The following CUBN variants were observed in gnomAD, a reference collection of about 807,000 sequenced individuals.
CUBN encodes 460 kDa receptor.
Under a neutral mutation model 405.3 loss-of-function variants are expected in CUBN, and 282 were observed. The ratio of observed to expected loss-of-function variants is 0.70; its 90% CI spans 0.63 to 0.77. The LOEUF (loss-of-function observed/expected upper bound fraction) is 0.77, where lower values mean the gene tolerates loss of function less well. Ranked by LOEUF, CUBN falls within the 30% of genes least tolerant of loss-of-function variation. The pLI, the probability that CUBN is intolerant of heterozygous loss-of-function variation, is 0.00. For synonymous variants in CUBN, 1,684 were observed against 1,617.0 expected (o/e 1.04, Z -0.99); for missense variants, 4,514 against 4,475.2 (o/e 1.01, Z -0.25).
chr10:17,124,898 C>G (rs1837137508), intron 4 of CUBN, among the ~76,000 whole-genome samples: 1 of 152,016 alleles, frequency 6.6e-6, no homozygotes, highest in Non-Finnish European at 1.5e-5. Flanking sequence ...GTGGTATGAT[C>G]TCAGCTCACT....
intron 58 of CUBN, among the ~76,000 whole-genome samples, chr10:16,872,522 ACC>A (rs1240015101): frequency 6.6e-6 from 1 of 151,836 alleles, no homozygotes; most frequent in Non-Finnish European, 1.5e-5. Context: ...ATGGGGGAGG[ACC>A]CCTCACAAAT....
intron 28 of CUBN, among the ~76,000 whole-genome samples, chr10:17,012,612 C>G (rs1254188575): frequency 1.3e-5 from 2 of 152,232 alleles, no homozygotes; most frequent in African/African-American, 4.8e-5. Flanking sequence ...TTTTAGCAAA[C>G]TCTACGTTAG....
At chr10:16,972,629 G>A (rs879864737) in intron 31 of CUBN, among the ~76,000 whole-genome samples, 1 of 151,736 alleles carries the variant, frequency 6.6e-6, no homozygotes, top group East Asian at 1.9e-4. Flanking sequence ...TGCAGAGATG[G>A]GGTCCAGGCT....
rs368888145 is a variant in CUBN at position 16,892,639 on chromosome 10, G to A, written c.8599-2112C>T. 3.5e-4 allele frequency among the ~76,000 whole-genome samples: 53 copies of A among 151,982 alleles called. 1 individual carries two copies. Among genetic ancestry groups the A allele is most frequent in the Non-Finnish European group, 1.0e-4 (7 of 67,990 alleles). Reference sequence around the variant, plus strand: ...CCCAAGTAGCTGGGACTACAGGTGCGTGCAACCATGCCTGGCTAGTTTTTT... The same window carrying A: ...CCCAAGTAGCTGGGACTACAGGTGCATGCAACCATGCCTGGCTAGTTTTTT... On this transcript the variant is annotated intron_variant, in intron 54 of 66. Transcript: ENST00000377833.
At chr10:16,905,179 C>G (rs564094333) in intron 50 of CUBN, among the ~76,000 whole-genome samples, 1 of 152,138 alleles carries the variant, frequency 6.6e-6, no homozygotes, top group Non-Finnish European at 1.5e-5. Flanking sequence ...TGGATGATTA[C>G]GTACTATTTA....
chr10:16,841,305 G>A lies in CUBN; in HGVS notation c.9664-258C>T, dbSNP rs558147937. 6.6e-5 allele frequency among the ~76,000 whole-genome samples: 10 copies of A among 152,122 alleles called. No individual in the cohort carries two copies. The South Asian group carries it at 8.3e-4, about 13-fold the overall frequency. The stretch of plus-strand genomic sequence containing the variant: ...TTAAAAGAAGGTGTTATGAGAGTCC[G>A]CTCACCCACTGCTACTTTAACCTCT... On this transcript the variant is annotated intron_variant, in intron 60 of 66. Transcript: ENST00000377833.
chr10:16,935,617 C>T (rs551068474), intron 39 of CUBN, among the ~76,000 whole-genome samples: 9 of 152,084 alleles, frequency 5.9e-5, no homozygotes, highest in East Asian at 1.9e-4. Context: ...CAGTGGCTCA[C>T]GCCTGTAATT....
chr10:17,010,368 C>T (rs1834147859), intron 28 of CUBN, among the ~76,000 whole-genome samples: 1 of 152,136 alleles, frequency 6.6e-6, no homozygotes, highest in South Asian at 2.1e-4. Context: ...GGGCCAGGTG[C>T]AGTGGCTCAC....
chr10:16,840,493 T>C lies in CUBN; in HGVS notation c.9869A>G (p.Asn3290Ser). ...GTCTGATGAATTGGGTGATGAAATA[T>C]TTTGTGGGGTCCAAGTTGCATTGTA... ...GTYNATWTPQ[N>S]ISSPNSSDPD... is the part of the protein sequence containing the mutation. The change falls in exon 62 of 67, where the codon AAT (asparagine) becomes AGT (serine). Residue 3290 changes from asparagine to serine, a missense_variant. Physicochemically the swap from Asn to Ser is conservative, Grantham distance 46 (BLOSUM62 1). Transcript: ENST00000377833. The C allele has an allele frequency of 6.2e-7, 1 of 1,612,066 alleles. No individual in the cohort carries two copies. The highest frequency in any genetic ancestry group is 8.5e-7 in the Non-Finnish European group (1 of 1,179,054).
At position 16,925,850 on chromosome 10, in the gene CUBN, G is replaced by A. The variant is rs1290354617; in HGVS notation, c.6272-76C>T. On this transcript the variant is annotated intron_variant, in intron 41 of 66. Transcript: ENST00000377833. Reference sequence around the variant, plus strand: ...ATTTTTATGCTTTCTTAGTTTTCTTGGGGGGTTTTCAAAGTGGAGGCAATA... The same window carrying A: ...ATTTTTATGCTTTCTTAGTTTTCTTAGGGGGTTTTCAAAGTGGAGGCAATA... 7 of 1,370,672 alleles carry A rather than the reference G, an allele frequency of 5.1e-6. No homozygotes were observed. In the African/African-American group the frequency reaches 8.6e-5, roughly 17 times the overall value. The allele number at this position is 1,370,672 out of a possible 1,614,324, so 84.9% of individuals were successfully genotyped here.
intron 22 of CUBN, among the ~76,000 whole-genome samples, chr10:17,059,885 G>T (rs1219204083): frequency 6.6e-6 from 1 of 152,160 alleles, no homozygotes; most frequent in African/African-American, 2.4e-5. Context: ...GCAAAGTCAT[G>T]GTCCTTTACA....
Position 16,913,810 on chromosome 10 carries a change from CT to C in CUBN, c.7533del (p.Ile2511MetfsTer13). 1.2e-6 allele frequency: 2 copies of C among 1,613,280 alleles called. No individual in the cohort carries two copies. Among genetic ancestry groups the C allele is most frequent in the Non-Finnish European group, 1.7e-6 (2 of 1,179,984 alleles). On this transcript the variant is annotated frameshift_variant and splice_region_variant, in exon 48 of 67. Coordinates refer to ENST00000377833, the MANE Select transcript of CUBN (RefSeq NM_001081.4). LOFTEE classifies it high-confidence loss of function. ...THPSCNNEHVIVFNGIRSNSP... is the reference protein window; with the variant it reads ...THPSCNNEHVXVFNGIRSNSP... ...CATCTCAGGCGGCAGGGAACACTTACTATCACATGCTCATTGTTGCAGGACG... is the reference window on the plus strand; with the variant it reads ...CATCTCAGGCGGCAGGGAACACTTACATCACATGCTCATTGTTGCAGGACG...
At chr10:17,011,161 C>A (rs1452190120) in intron 28 of CUBN, among the ~76,000 whole-genome samples, 1 of 152,152 alleles carries the variant, frequency 6.6e-6, no homozygotes, top group Non-Finnish European at 1.5e-5. Flanking sequence ...CTACATGTTC[C>A]AGGGCTAGAT....
intron 54 of CUBN, 122 bp downstream of exon 54, chr10:16,898,874 T>G (rs772121840): frequency 1.3e-6 from 1 of 759,224 alleles, no homozygotes; most frequent in Non-Finnish European, 2.4e-6. Context: ...TTTCTCACTT[T>G]TCATCCAAGG....
intron 2 of CUBN, among the ~76,000 whole-genome samples, chr10:17,128,630 A>G (rs1392893432): frequency 6.6e-6 from 1 of 152,182 alleles, no homozygotes; most frequent in Non-Finnish European, 1.5e-5. Context: ...TGTCTGGCAC[A>G]ATGAGCTTCT....
intron 31 of CUBN, among the ~76,000 whole-genome samples, chr10:16,963,731 A>G (rs1843307632): frequency 6.6e-6 from 1 of 152,256 alleles, no homozygotes. Flanking sequence ...AAAAGAATGC[A>G]TTAGATCTGT....
chr10:17,047,845 C>A (rs1835174276), intron 22 of CUBN, among the ~76,000 whole-genome samples: 1 of 151,892 alleles, frequency 6.6e-6, no homozygotes, highest in Non-Finnish European at 1.5e-5. Context: ...AGTAAACAAC[C>A]CTTTAAGTCT....
At chr10:17,018,760 T>C (rs1047588067) in intron 28 of CUBN, among the ~76,000 whole-genome samples, 7 of 152,218 alleles carry the variant, frequency 4.6e-5, no homozygotes, top group Non-Finnish European at 2.9e-5. Context: ...GAGCACTGAT[T>C]GGTCCGTTTT....
intron 35 of CUBN, among the ~76,000 whole-genome samples, chr10:16,947,714 G>A (rs1244165082): frequency 6.6e-6 from 1 of 152,162 alleles, no homozygotes; most frequent in African/African-American, 2.4e-5. Context: ...AGAACCCAAC[G>A]CAGCATGCTT....
Sources: allele counts gnomAD v4.1 joint callset (sites outside exome capture counted in the v4.1 genomes callset), GRCh38; gene constraint gnomAD v4.1.1; transcripts MANE v1.5; gene names NCBI Gene and HGNC (gene_info 2026-07-23, HGNC 2026-07-21).